Variants in PEPD observed in about 807,000 individuals in gnomAD.
PEPD encodes the protein xaa-Pro dipeptidase.
A neutral mutation model predicts 60.7 loss-of-function variants in PEPD; 53 were observed. That is an observed-to-expected ratio of 0.87 (90% CI 0.70 to 1.10). The LOEUF (loss-of-function observed/expected upper bound fraction) is 1.10, where lower values mean the gene tolerates loss of function less well. PEPD is among the 50% of genes least tolerant of loss of function. PEPD has a pLI of 0.00. For synonymous variants in PEPD, 267 were observed against 284.1 expected (o/e 0.94, Z 0.60); for missense variants, 711 against 711.9 (o/e 1.00, Z 0.01).
chr19:33,410,051 C>A (rs896611530), intron 11 of PEPD, among the ~76,000 whole-genome samples: 1 of 152,240 alleles, frequency 6.6e-6, no homozygotes. Context: ...ACTCGCCCAC[C>A]ATTTGTGGGG....
At chr19:33,440,343 A>G (rs975764787) in intron 9 of PEPD, among the ~76,000 whole-genome samples, 1 of 151,954 alleles carries the variant, frequency 6.6e-6, no homozygotes, top group Non-Finnish European at 1.5e-5. Flanking sequence ...CTCTGCCTTC[A>G]CAACCTACCC....
chr19:33,444,123 T>C (rs1181510879), intron 9 of PEPD, among the ~76,000 whole-genome samples: 1 of 151,938 alleles, frequency 6.6e-6, no homozygotes, highest in African/African-American at 2.4e-5. Context: ...GAGAAGAGTG[T>C]AATGCATGTA....
At chr19:33,503,672 T>A (rs1488266827) in intron 3 of PEPD, among the ~76,000 whole-genome samples, 1 of 152,168 alleles carries the variant, frequency 6.6e-6, no homozygotes, top group Non-Finnish European at 1.5e-5. Flanking sequence ...GCGAAATGCG[T>A]GGCTGGGATC....
At chr19:33,517,771 C>T (rs1022040760) in intron 1 of PEPD, among the ~76,000 whole-genome samples, 1 of 151,546 alleles carries the variant, frequency 6.6e-6, no homozygotes, top group Non-Finnish European at 1.5e-5. Flanking sequence ...TTGAGACCAG[C>T]CTGGCCAACA....
chr19:33,465,725 C>G (rs1386941195), intron 7 of PEPD, among the ~76,000 whole-genome samples: 1 of 152,168 alleles, frequency 6.6e-6, no homozygotes, highest in Non-Finnish European at 1.5e-5. Context: ...TCCCATTTTA[C>G]AGATAGCGAC....
chr19:33,513,538 T>C (rs527635598), intron 1 of PEPD, among the ~76,000 whole-genome samples: 5 of 152,004 alleles, frequency 3.3e-5, no homozygotes, highest in Admixed American at 1.3e-4. Context: ...CAGGGCCACC[T>C]CCCCATGTCC....
intron 5 of PEPD, 136 bp from the exon 6 acceptor site, chr19:33,490,193 C>A (rs940218925): frequency 2.9e-6 from 2 of 693,018 alleles, no homozygotes. Flanking sequence ...GATGAGCCAC[C>A]CAGCCAGGTA....
chr19:33,395,930 G>A (rs1377772133), intron 12 of PEPD, among the ~76,000 whole-genome samples: 1 of 152,190 alleles, frequency 6.6e-6, no homozygotes, highest in African/African-American at 2.4e-5. Context: ...TGCACGGGAC[G>A]TGAGTAGAAG....
rs1969988352 is a variant in PEPD, at chr19:33,464,666, A to T, written c.549-604T>A. 2.6e-5 allele frequency among the ~76,000 whole-genome samples: 4 copies of T among 152,160 alleles called. No individual in the cohort carries two copies. In the South Asian group the frequency reaches 8.3e-4, roughly 32 times the overall value. ...GAAGAGGGAGGCAGCCACAGATGAG[A>T]GGGTGGTCTACGTGGGCAGGGGAGT... On this transcript the variant is annotated intron_variant, in intron 7 of 14. Transcript: ENST00000244137.
At chr19:33,428,835 A>G (rs899084866) in intron 9 of PEPD, among the ~76,000 whole-genome samples, 46 of 152,228 alleles carry the variant, frequency 3.0e-4, no homozygotes, top group Non-Finnish European at 8.8e-5. Context: ...AGAAAGGGTA[A>G]CGGATGGCAG....
intron 9 of PEPD, among the ~76,000 whole-genome samples, chr19:33,446,683 A>C (rs1568476030): frequency 6.6e-6 from 1 of 152,304 alleles, no homozygotes; most frequent in East Asian, 1.9e-4. Flanking sequence ...CCCTTTTGCA[A>C]AAGCAGCATG....
intron 12 of PEPD, among the ~76,000 whole-genome samples, chr19:33,393,441 C>T (rs917848662): frequency 2.6e-5 from 4 of 152,132 alleles, no homozygotes; most frequent in Non-Finnish European, 5.9e-5. Flanking sequence ...CACAACATCC[C>T]GGAAAAGGAC....
chr19:33,512,731 C>T lies in PEPD; in HGVS notation c.63G>A (p.Ala21=), dbSNP rs766192958. The change falls in exon 2 of 15, where the codon GCG becomes GCA. Residue 21 remains alanine (A), a synonymous_variant. Transcript: ENST00000244137. ...LGNETLKVPL[A]LFALNRQRLC... is the part of the protein sequence containing the mutation. ...GGCGCTGCCGGTTCAAGGCAAAGAGCGCCAGCGGCACCTTCAGGGTTTCAT... is the reference window on the plus strand; with the variant it reads ...GGCGCTGCCGGTTCAAGGCAAAGAGTGCCAGCGGCACCTTCAGGGTTTCAT... The T allele has an allele frequency of 1.1e-5, 18 of 1,613,914 alleles. No homozygotes were observed. Among genetic ancestry groups the T allele is most frequent in the East Asian group, 4.5e-5 (2 of 44,882 alleles).
At chr19:33,501,082 G>A in intron 3 of PEPD, 81 bp from the exon 4 acceptor site, 1 of 859,438 alleles carries the variant, frequency 1.2e-6, no homozygotes, top group Non-Finnish European at 2.0e-6. Flanking sequence ...GCCAAGCCCA[G>A]GCCATGGAGC....
rs147989401 is a variant in PEPD at position 33,478,918 on chromosome 19, A to G, written c.504-828T>C. On this transcript the variant is annotated intron_variant, in intron 6 of 14. Transcript: ENST00000244137. ...GGCAATGGTAACCATACAGATAAAT[A>G]TAAAGACAGTATAAATGTATTTTTT... is the stretch of plus-strand genomic sequence containing the variant. 8.0e-3 allele frequency among the ~76,000 whole-genome samples: 1,226 copies of G among 152,368 alleles called. 16 individuals are homozygous for G. The highest frequency in any genetic ancestry group is 0.027 in the African/African-American group (1,131 of 41,584).
chr19:33,401,799 T>TTCTC lies in PEPD; in HGVS notation c.888_889insGAGA (p.Lys297GlufsTer12), dbSNP rs767642241. On this transcript the variant is annotated frameshift_variant, in exon 12 of 15. Transcript: ENST00000244137. LOFTEE classifies it high-confidence loss of function. ...ACGGCCTTCTGGTCTGCAGTGAACT[T>TTCTC]GCCGTTGGCGGGAAAGGAGCAGGTG... 6.2e-7 allele frequency: 1 copy of TTCTC among 1,612,996 alleles called. No individual in the cohort carries two copies. Among genetic ancestry groups the TTCTC allele is most frequent in the Admixed American group, 1.7e-5 (1 of 59,982 alleles).
intron 7 of PEPD, 124 bp from the exon 8 acceptor site, chr19:33,464,186 C>T: frequency 1.4e-6 from 1 of 733,166 alleles, no homozygotes; most frequent in Admixed American, 2.0e-5. Context: ...TGTGCAAGGC[C>T]AGAGTGGGGC....
At chr19:33,495,437 G>A (rs1970584558) in intron 4 of PEPD, among the ~76,000 whole-genome samples, 1 of 151,228 alleles carries the variant, frequency 6.6e-6, no homozygotes, top group African/African-American at 2.4e-5. Flanking sequence ...GGCGGCAGCT[G>A]CAGTGAGCCG....
chr19:33,399,802 C>T (rs1003171002), intron 12 of PEPD, among the ~76,000 whole-genome samples: 5 of 152,156 alleles, frequency 3.3e-5, no homozygotes, highest in African/African-American at 1.2e-4. Context: ...TGAGGGCGCA[C>T]TTGGCAGCTG....
Sources: allele counts gnomAD v4.1 joint callset (sites outside exome capture counted in the v4.1 genomes callset), GRCh38; gene constraint gnomAD v4.1.1; transcripts MANE v1.5; gene names NCBI Gene and HGNC (gene_info 2026-07-23, HGNC 2026-07-21).